Variants in LAMA5 observed in about 807,000 individuals in gnomAD.
LAMA5 encodes the protein laminin subunit alpha-5.
A neutral mutation model predicts 433.4 loss-of-function variants in LAMA5; 260 were observed. The observed-to-expected ratio is 0.60, with a 90% CI of 0.54 to 0.66. The LOEUF (loss-of-function observed/expected upper bound fraction) is 0.66, where lower values mean the gene tolerates loss of function less well. Among genes scored for constraint, LAMA5 ranks in the 30% least tolerant of loss-of-function variants. The pLI, the probability that LAMA5 is intolerant of heterozygous loss-of-function variation, is 0.00. For missense variants in LAMA5, 5,378 were observed against 5,258.5 expected, an observed-to-expected ratio of 1.02 and a Z score of -0.70; for synonymous variants, 2,620 against 2,226.6, an observed-to-expected ratio of 1.18 and a Z score of -4.97.
rs758256788 is a variant in LAMA5 at position 62,320,717 on chromosome 20, G to A, written c.6648+22C>T. On this transcript the variant is annotated intron_variant, in intron 49 of 79. Coordinates refer to ENST00000252999, the MANE Select transcript of LAMA5 (RefSeq NM_005560.6). ...GCCTGCACTGGCCCGGGTTGGGGAG[G>A]GAAGGCCAGGACGCTCAGTACCTGC... The A allele has an allele frequency of 3.7e-6, 6 of 1,612,268 alleles. No homozygotes were observed. The Admixed American group carries it at 6.7e-5, about 18-fold the overall frequency.
chr20:62,334,007 G>A lies in LAMA5; in HGVS notation c.2772C>T (p.Ser924=), dbSNP rs1190591710. The A allele has an allele frequency of 6.2e-7, 1 of 1,613,030 alleles. No homozygotes were observed. Among genetic ancestry groups the A allele is most frequent in the Middle Eastern group, 1.7e-4 (1 of 6,060 alleles). ...PRIVARLNLT[S]PDLFWLVFRY... ...GGAAGACGAGCCAGAAAAGGTCAGG[G>A]GAGGTCAGGTTCAGCCTGGCCACGA... The change falls in exon 23 of 80, where the codon TCC becomes TCT. Residue 924 remains serine (S), a synonymous_variant. Transcript: ENST00000252999.
chr20:62,352,845 T>C, intron 3 of LAMA5: 2 of 396,522 alleles, frequency 5.0e-6, no homozygotes, highest in Non-Finnish European at 9.1e-6. Flanking sequence ...GCCAGGCCCC[T>C]TTTGTCACCA....
intron 2 of LAMA5, 114 bp downstream of exon 2, chr20:62,362,286 G>C (rs951982166): frequency 2.6e-5 from 28 of 1,081,402 alleles, no homozygotes; most frequent in Non-Finnish European, 3.4e-5. Flanking sequence ...AGCCTCCCAG[G>C]CCCCAGGTCT....
chr20:62,348,832 C>A (rs1419961523), intron 6 of LAMA5, among the ~76,000 whole-genome samples: 1 of 151,878 alleles, frequency 6.6e-6, no homozygotes, highest in East Asian at 1.9e-4. Flanking sequence ...CCAGAAGACA[C>A]CTCAGAAGAT....
At chr20:62,316,474 T>C (rs1986943741) in intron 57 of LAMA5, among the ~76,000 whole-genome samples, 197 bp downstream of exon 57, 1 of 151,982 alleles carries the variant, frequency 6.6e-6, no homozygotes, top group Non-Finnish European at 1.5e-5. Context: ...AGGAGGCTGC[T>C]CCTCCCTGGA....
chr20:62,339,488 G>A (rs1000639663), intron 11 of LAMA5, among the ~76,000 whole-genome samples: 2 of 151,902 alleles, frequency 1.3e-5, no homozygotes, highest in African/African-American at 2.4e-5. Context: ...CGCCTGCCTC[G>A]GCCTCCCAAA....
Position 62,313,820 on chromosome 20 carries a change from G to A in LAMA5, c.8505-18C>T. ...GGAGAGTCCTGAGGGCAGAGGCGAGGGGTGGCGAGTGGGCACGGAGAGATG... is the reference window on the plus strand; with the variant it reads ...GGAGAGTCCTGAGGGCAGAGGCGAGAGGTGGCGAGTGGGCACGGAGAGATG... On this transcript the variant is annotated intron_variant, in intron 62 of 79. Transcript: ENST00000252999. The A allele has an allele frequency of 6.2e-7, 1 of 1,611,284 alleles. No individual in the cohort carries two copies.
At position 62,317,472 on chromosome 20, in the gene LAMA5, C is replaced by A; in HGVS notation, c.7384G>T (p.Asp2462Tyr). 6.4e-7 allele frequency: 1 copy of A among 1,559,244 alleles called. No individual in the cohort carries two copies. The highest frequency in any genetic ancestry group is 8.7e-7 in the Non-Finnish European group (1 of 1,149,652). ...EELERLAASL[D>Y]GARTPLLQRM... ...TGCAGCAGTGGGGTCCGAGCCCCAT[C>A]CAGGCTGGCGGCGAGGCGCTCCAGC... The change falls in exon 55 of 80, where the codon GAT (aspartate) becomes TAT (tyrosine). Residue 2462 changes from aspartate (D) to tyrosine (Y), a missense_variant. Coordinates refer to ENST00000252999, the MANE Select transcript of LAMA5 (RefSeq NM_005560.6).
rs1175216493 is a variant in LAMA5, at chr20:62,324,534, A to G, written c.5550T>C (p.Tyr1850=). ...CCAGGAAGAGACCTTTGACGTCCCG[A>G]TAGAAGCCGGGGGCACATTCCTGAG... ...DSCQECAPGF[Y]RDVKGLFLGR... Residue 1850 remains tyrosine, a synonymous_variant, in exon 42 of 80, where the codon TAT becomes TAC. Transcript: ENST00000252999. The surrounding 1 kb of genome is among the most constrained non-coding windows in gnomAD (Gnocchi z 4.4). The G allele has an allele frequency of 1.9e-6, 3 of 1,611,290 alleles. No individual in the cohort carries two copies. The Admixed American group carries it at 5.0e-5, about 27-fold the overall frequency.
rs1046995575 is a variant in LAMA5, at chr20:62,353,136, G to C, written c.566C>G (p.Ala189Gly). ...GCCCCACGGCGGCAGAGACTCACAG[G>C]CAAAGAACTGCCAGGGCTGGTAGGT... The part of the protein sequence containing the change: ...GRTYQPWQFF[A>G]SSKRDCLERF... Residue 189 changes from alanine to glycine, a missense_variant and splice_region_variant, in exon 3 of 80, where the codon GCC (alanine) becomes GGC (glycine). By Grantham distance (60) the Ala-to-Gly change is moderately conservative. Transcript: ENST00000252999. 6.4e-7 allele frequency: 1 copy of C among 1,571,002 alleles called. No homozygotes were observed. Among genetic ancestry groups the C allele is most frequent in the African/African-American group, 1.4e-5 (1 of 73,954 alleles).
rs201803841 is a variant in LAMA5, at chr20:62,318,513, C to T, written c.7180G>A (p.Ala2394Thr). The T allele has an allele frequency of 9.9e-6, 16 of 1,609,098 alleles. No homozygotes were observed. The highest frequency in any genetic ancestry group is 8.4e-5 in the Admixed American group (5 of 59,858). The change falls in exon 53 of 80, where the codon GCC (alanine) becomes ACC (threonine). Residue 2394 changes from alanine to threonine, a missense_variant. Physicochemically the swap from Ala to Thr is moderately conservative, Grantham distance 58. Transcript: ENST00000252999. ...LREALNRAVD[A>T]TREAQELNSR... ...TTGAGCTCCTGGGCCTCCCGTGTGG[C>T]GTCCACTGCCCGGTTCAAAGCCTCT...
chr20:62,347,628 G>A (rs1422790261), intron 6 of LAMA5, among the ~76,000 whole-genome samples: 1 of 152,212 alleles, frequency 6.6e-6, no homozygotes, highest in Non-Finnish European at 1.5e-5. Context: ...TCACAGGGCT[G>A]GAATCTTGCC....
chr20:62,321,013 G>A, intron 48 of LAMA5, 123 bp from the exon 49 acceptor site: 2 of 1,059,568 alleles, frequency 1.9e-6, no homozygotes, highest in Non-Finnish European at 2.7e-6. Flanking sequence ...GTCAGCTTAG[G>A]GACACAGGAC....
Position 62,310,258 on chromosome 20 carries a change from G to C in LAMA5, c.10654C>G (p.Leu3552Val). 1 of 1,612,172 alleles carries C rather than the reference G, an allele frequency of 6.2e-7. No homozygotes were observed. Among genetic ancestry groups the C allele is most frequent in the South Asian group, 1.1e-5 (1 of 91,008 alleles). ...TGGAAGATCAGTCCGGTGACTGCCAGGGGCCGCACCTCCAGTTCCAGGCCC... is the reference window on the plus strand; with the variant it reads ...TGGAAGATCAGTCCGGTGACTGCCACGGGCCGCACCTCCAGTTCCAGGCCC... ...DVGLELEVRP[L>V]AVTGLIFHLG... Residue 3552 changes from leucine (L) to valine (V), a missense_variant, in exon 77 of 80, where the codon CTG becomes GTG. Transcript: ENST00000252999.
rs369197796 is a variant in LAMA5, at chr20:62,345,876, C to T, written c.1419G>A (p.Pro473=). 5.4e-5 allele frequency: 84 copies of T among 1,553,820 alleles called. No individual in the cohort carries two copies. Among genetic ancestry groups the T allele is most frequent in the African/African-American group, 1.6e-4 (12 of 73,248 alleles). Residue 473 remains proline, a splice_region_variant and synonymous_variant, in exon 11 of 80, where the codon CCG becomes CCA. Coordinates refer to ENST00000252999, the MANE Select transcript of LAMA5 (RefSeq NM_005560.6). ...EGFTGFPSCY[P]TPSSSNDTRE... ...TGGTGTCATTGGAGGACGAGGGCGT[C>T]GCTGAGGGGAAGAGACACGCATGTT...
chr20:62,333,850 G>A, intron 23 of LAMA5, 51 bp downstream of exon 23: 1 of 1,476,042 alleles, frequency 6.8e-7, no homozygotes. Flanking sequence ...GGGTGGGGTG[G>A]GGTGGGCTGG....
Position 62,316,961 on chromosome 20 carries a change from T to C in LAMA5, c.7574A>G (p.Tyr2525Cys). 1 of 1,570,458 alleles carries C rather than the reference T, an allele frequency of 6.4e-7. No individual in the cohort carries two copies. Among genetic ancestry groups the C allele is most frequent in the Non-Finnish European group, 8.7e-7 (1 of 1,154,698 alleles). ...CTGCACGGCCTGCAGGATGCGGCTG[T>C]AGGCGTTGGAGGCCTCGATGGCCCT... ...TQRAIEASNA[Y>C]SRILQAVQAA... is the part of the protein sequence containing the mutation. The change falls in exon 56 of 80, where the codon TAC (tyrosine) becomes TGC (cysteine). Residue 2525 changes from tyrosine to cysteine, a missense_variant. Physicochemically the swap from Tyr to Cys is radical, Grantham distance 194. Transcript: ENST00000252999.
intron 79 of LAMA5, 96 bp downstream of exon 79, chr20:62,309,620 G>GGGGCAGGGGGAGGAGGGTGGGAGT: frequency 1.9e-6 from 1 of 516,308 alleles, no homozygotes. Flanking sequence ...AGGGTGGGAG[G>GGGGCAGGGGGAGGAGGGTGGGAGT]GGGCAGGGGG....
At chr20:62,352,189 A>C (rs532874445) in intron 4 of LAMA5, 53 bp downstream of exon 4, 2 of 1,547,754 alleles carry the variant, frequency 1.3e-6, no homozygotes, top group Non-Finnish European at 8.7e-7. Flanking sequence ...CCCCTCCCCT[A>C]CCCACCTCTC....
Sources: gnomAD v4.1 joint callset for allele counts (sites outside exome capture counted in the v4.1 genomes callset) on GRCh38, gnomAD v4.1.1 for gene constraint, Gnocchi (gnomAD v3.1) non-coding constraint, MANE v1.5 for transcripts, NCBI Gene and HGNC (gene_info 2026-07-23, HGNC 2026-07-21) for gene names.